GRIK2: variants seen among roughly 807,000 people sequenced by gnomAD.
The protein encoded by GRIK2 is glutamate ionotropic receptor kainate type subunit 2, also known as glutamate receptor ionotropic, kainate 2.
A neutral mutation model predicts 100.3 loss-of-function variants in GRIK2; 32 were observed. The observed-to-expected ratio is 0.32, with a 90% CI of 0.24 to 0.43. The LOEUF (loss-of-function observed/expected upper bound fraction) is 0.43. Among genes scored for constraint, GRIK2 ranks in the 20% least tolerant of loss-of-function variants. The probability of loss-of-function intolerance (pLI) is 1.00; values close to 1 mark genes in which losing one functional copy is unlikely to be tolerated. For missense variants in GRIK2, 843 were observed against 1,114.9 expected, an observed-to-expected ratio of 0.76 and a Z score of 3.47; for synonymous variants, 417 against 389.4, an observed-to-expected ratio of 1.07 and a Z score of -0.83.
At chr6:101,735,874 T>C (rs1583045411) in intron 7 of GRIK2, among the ~76,000 whole-genome samples, 1 of 152,210 alleles carries the variant, frequency 6.6e-6, no homozygotes, top group East Asian at 1.9e-4. Flanking sequence ...GAAAGTCTCA[T>C]CTGAGATAAG....
intron 2 of GRIK2, among the ~76,000 whole-genome samples, chr6:101,414,041 T>C (rs984783793): frequency 7.5e-6 from 1 of 133,752 alleles, no homozygotes; most frequent in African/African-American, 3.0e-5. Flanking sequence ...TAAAAAGAAC[T>C]GGTCTCTGCA....
chr6:101,959,178 A>G (rs563440084), intron 14 of GRIK2, among the ~76,000 whole-genome samples: 1 of 152,212 alleles, frequency 6.6e-6, no homozygotes, highest in African/African-American at 2.4e-5. Context: ...CAATGGCTTC[A>G]TGTGGCAATC....
rs2852567 is a variant in GRIK2, at chr6:101,696,250, G to A, written c.951+9897G>A. Among the ~76,000 whole-genome samples, 241 of 151,704 alleles carry A rather than the reference G, an allele frequency of 1.6e-3. 2 individuals carry two copies. Among genetic ancestry groups the A allele is most frequent in the African/African-American group, 5.8e-3 (239 of 41,416 alleles). Reference sequence around the variant, plus strand: ...TTTAGAGGAATTTTATTTAAAAATAGAGATTCTAAAAACTATCATAAATAT... The same window carrying A: ...TTTAGAGGAATTTTATTTAAAAATAAAGATTCTAAAAACTATCATAAATAT... On this transcript the variant is annotated intron_variant, in intron 7 of 16. Transcript: ENST00000369134.
intron 14 of GRIK2, among the ~76,000 whole-genome samples, chr6:101,951,918 C>G (rs1306139366): frequency 6.6e-6 from 1 of 152,128 alleles, no homozygotes; most frequent in Non-Finnish European, 1.5e-5. Context: ...TAATACATAG[C>G]CTTTAAGAGT....
intron 2 of GRIK2, among the ~76,000 whole-genome samples, chr6:101,582,952 C>T (rs1177393404): frequency 6.6e-6 from 1 of 152,056 alleles, no homozygotes; most frequent in Non-Finnish European, 1.5e-5. Flanking sequence ...TGTGGAAAGC[C>T]CTGTTCTCTC....
Position 101,912,525 on chromosome 6 carries a change from C to T in GRIK2, c.1749-12076C>T, listed in dbSNP as rs1788806818. ...TGAAAAGGCTGAATAATGGCTAAGACTCGCTTCTCTTCGTGCACATTTAAA... is the reference window on the plus strand; with the variant it reads ...TGAAAAGGCTGAATAATGGCTAAGATTCGCTTCTCTTCGTGCACATTTAAA... On this transcript the variant is annotated intron_variant, in intron 12 of 16. Coordinates refer to ENST00000369134, the MANE Select transcript of GRIK2 (RefSeq NM_021956.5). Among the ~76,000 whole-genome samples the T allele has an allele frequency of 3.3e-5, 5 of 151,628 alleles. No homozygotes were observed. In the South Asian group the frequency reaches 1.0e-3, roughly 31 times the overall value.
intron 16 of GRIK2, among the ~76,000 whole-genome samples, chr6:102,058,258 C>CTGTT (rs925768530): frequency 1.4e-4 from 21 of 151,720 alleles, no homozygotes; most frequent in African/African-American, 5.1e-4. Flanking sequence ...ATTCTTCTTG[C>CTGTT]TGTTAGGACA....
intron 16 of GRIK2, chr6:102,063,976 GT>G: frequency 6.5e-7 from 1 of 1,527,890 alleles, no homozygotes; most frequent in Non-Finnish European, 9.0e-7. Context: ...CTTCTATTTG[GT>G]TAGTGCCACC....
intron 15 of GRIK2, among the ~76,000 whole-genome samples, chr6:102,054,543 T>C (rs564757211): frequency 1.5e-4 from 23 of 152,192 alleles, no homozygotes; most frequent in African/African-American, 5.3e-4. Flanking sequence ...GTCAATGAAT[T>C]AGCAGATATT....
intron 2 of GRIK2, among the ~76,000 whole-genome samples, chr6:101,499,176 C>G (rs1392957402): frequency 6.6e-6 from 1 of 152,034 alleles, no homozygotes; most frequent in Non-Finnish European, 1.5e-5. Flanking sequence ...TTTATTAATA[C>G]TGTTATAAAT....
intron 2 of GRIK2, among the ~76,000 whole-genome samples, chr6:101,549,370 A>C (rs1177178825): frequency 6.6e-6 from 1 of 151,716 alleles, no homozygotes; most frequent in Non-Finnish European, 1.5e-5. Flanking sequence ...TCACGGAGAC[A>C]GATGCTTGAA....
chr6:101,595,752 A>G (rs949629912), intron 2 of GRIK2, among the ~76,000 whole-genome samples: 7 of 148,714 alleles, frequency 4.7e-5, no homozygotes, highest in African/African-American at 1.7e-4. Flanking sequence ...TCATACACAT[A>G]TAAATGCTAG....
chr6:102,068,776 T>A lies in GRIK2; in HGVS notation c.*265T>A, dbSNP rs192993699. The A allele has an allele frequency of 4.7e-4, 124 of 266,290 alleles. No individual in the cohort carries two copies. The highest frequency in any genetic ancestry group is 2.7e-3 in the African/African-American group (121 of 45,244). The allele number at this position is 266,290 out of a possible 1,614,324, so 16.5% of individuals were successfully genotyped here. A position where few individuals can be genotyped will look rare whatever the true frequency, so the allele number is the denominator to read the frequency against. ...TCTGAGTGAATGTTAACATGCGCAT[T>A]TTGTGGCTGATTTCAAATGCAGTCC... On this transcript the variant is annotated 3_prime_UTR_variant, in exon 17 of 17. Coordinates refer to ENST00000369134, the MANE Select transcript of GRIK2 (RefSeq NM_021956.5).
At chr6:101,483,596 A>ATT (rs1266273274) in intron 2 of GRIK2, among the ~76,000 whole-genome samples, 3 of 151,932 alleles carry the variant, frequency 2.0e-5, no homozygotes. Context: ...TTTATTTGGG[A>ATT]TAGAGTCTTG....
chr6:101,782,744 CA>C (rs1440421174), intron 7 of GRIK2, among the ~76,000 whole-genome samples: 1 of 151,934 alleles, frequency 6.6e-6, no homozygotes, highest in Non-Finnish European at 1.5e-5. Context: ...TGCTAGATCA[CA>C]TGGTAGTTCT....
intron 2 of GRIK2, among the ~76,000 whole-genome samples, chr6:101,561,616 A>G (rs1422345138): frequency 6.6e-6 from 1 of 152,060 alleles, no homozygotes; most frequent in Non-Finnish European, 1.5e-5. Flanking sequence ...GCACTCCCAG[A>G]ATGTGGGCAA....
chr6:101,715,460 G>A (rs1270218434), intron 7 of GRIK2, among the ~76,000 whole-genome samples: 2 of 151,710 alleles, frequency 1.3e-5, no homozygotes, highest in Admixed American at 6.6e-5. Flanking sequence ...AGTGTTGTAG[G>A]GAAAGAAACT....
chr6:101,442,793 T>C (rs1162729657), intron 2 of GRIK2, among the ~76,000 whole-genome samples: 2 of 152,128 alleles, frequency 1.3e-5, no homozygotes, highest in Non-Finnish European at 2.9e-5. Flanking sequence ...AATGTAACTA[T>C]TCACAAAAGT....
intron 14 of GRIK2, among the ~76,000 whole-genome samples, chr6:101,946,130 T>C (rs1791261867): frequency 6.6e-6 from 1 of 152,026 alleles, no homozygotes. Context: ...TGTATAACAT[T>C]AGGTGTTTTG....
Sources: gnomAD v4.1 joint callset for allele counts (sites outside exome capture counted in the v4.1 genomes callset) on GRCh38, gnomAD v4.1.1 for gene constraint, MANE v1.5 for transcripts, NCBI Gene and HGNC (gene_info 2026-07-23, HGNC 2026-07-21) for gene names.